BLOC1S5: variants seen among roughly 807,000 people sequenced by gnomAD.
BLOC1S5 encodes the protein biogenesis of lysosome-related organelles complex 1 subunit 5.
A neutral mutation model predicts 24.3 loss-of-function variants in BLOC1S5; 27 were observed. The ratio of observed to expected loss-of-function variants is 1.11; its 90% CI spans 0.82 to 1.53. The LOEUF (loss-of-function observed/expected upper bound fraction) is 1.53, where lower values mean the gene tolerates loss of function less well. Ranked by LOEUF, BLOC1S5 falls within the 40% of genes most tolerant of loss-of-function variation. The pLI is 0.00. For synonymous variants in BLOC1S5, 84 were observed against 74.5 expected, an observed-to-expected ratio of 1.13 and a Z score of -0.66; for missense variants, 239 against 229.4, an observed-to-expected ratio of 1.04 and a Z score of -0.27.
At chr6:8,046,330 C>T (rs1763899186) in intron 2 of BLOC1S5, among the ~76,000 whole-genome samples, 1 of 152,144 alleles carries the variant, frequency 6.6e-6, no homozygotes, top group Non-Finnish European at 1.5e-5. Flanking sequence ...TCTTCCCAAT[C>T]TTGGGTATGC....
At chr6:8,021,907 G>A (rs1762927302) in intron 4 of BLOC1S5, among the ~76,000 whole-genome samples, 1 of 151,920 alleles carries the variant, frequency 6.6e-6, no homozygotes, top group South Asian at 2.1e-4. Context: ...GAACTATAAT[G>A]GTGTTATCTC....
intron 3 of BLOC1S5, among the ~76,000 whole-genome samples, chr6:8,039,258 A>T (rs1215677925): frequency 6.6e-6 from 1 of 152,190 alleles, no homozygotes; most frequent in African/African-American, 2.4e-5. Flanking sequence ...GAATATAGAG[A>T]GTAGACTGGT....
At chr6:8,047,601 C>G (rs891791209) in intron 2 of BLOC1S5, among the ~76,000 whole-genome samples, 1 of 152,064 alleles carries the variant, frequency 6.6e-6, no homozygotes, top group Non-Finnish European at 1.5e-5. Context: ...ATAGATTTCC[C>G]CTTTCACTTT....
At position 8,013,908 on chromosome 6, in the gene BLOC1S5, T is replaced by C. The variant is rs1389844204; in HGVS notation, c.*1741A>G. On this transcript the variant is annotated 3_prime_UTR_variant, in exon 5 of 5. Coordinates refer to ENST00000397457, the MANE Select transcript of BLOC1S5 (RefSeq NM_201280.3). ...GGTACCAGCAAATGATTGATGAGCC[T>C]GTCAAGCCTACAGTAGCGGATAGAG... 1 of 152,214 alleles carries C rather than the reference T, an allele frequency of 6.6e-6. No individual in the cohort carries two copies. The highest frequency in any genetic ancestry group is 1.5e-5 in the Non-Finnish European group (1 of 68,030). 9.4% of individuals were successfully genotyped at this position (152,214 alleles called of 1,614,324 possible). A position where few individuals can be genotyped will look rare whatever the true frequency, so the allele number is the denominator to read the frequency against.
At chr6:8,041,655 C>CTTTCTTTCTTTCTTTTT (rs111955375) in intron 2 of BLOC1S5, among the ~76,000 whole-genome samples, 2 of 111,870 alleles carry the variant, frequency 1.8e-5, no homozygotes, top group Non-Finnish European at 3.6e-5. Flanking sequence ...TTCTTTCTTT[C>CTTTCTTTCTTTCTTTTT]TTTTTTTTTG....
At chr6:8,025,290 A>C (rs1333802185) in intron 4 of BLOC1S5, among the ~76,000 whole-genome samples, 1 of 152,206 alleles carries the variant, frequency 6.6e-6, no homozygotes, top group Non-Finnish European at 1.5e-5. Flanking sequence ...GGAATTAAAA[A>C]TATATCTGCT....
intron 4 of BLOC1S5, among the ~76,000 whole-genome samples, chr6:8,024,706 C>T (rs1008883003): frequency 8.5e-5 from 13 of 152,112 alleles, no homozygotes; most frequent in Non-Finnish European, 1.6e-4. Flanking sequence ...ACACGGTGAC[C>T]GCTCGCATCT....
chr6:8,013,700 G>A lies in BLOC1S5; in HGVS notation c.*1949C>T, dbSNP rs938778610. 1 of 152,166 alleles carries A rather than the reference G, an allele frequency of 6.6e-6. No homozygotes were observed. Among genetic ancestry groups the A allele is most frequent in the African/African-American group, 2.4e-5 (1 of 41,450 alleles). The allele number at this position is 152,166 out of a possible 1,614,324, so 9.4% of individuals were successfully genotyped here. A position where few individuals can be genotyped will look rare whatever the true frequency, so the allele number is the denominator to read the frequency against. The stretch of plus-strand genomic sequence containing the variant: ...TCTTAATTTCTTGGTTACAGCATTC[G>A]TTCAATGATGTGTTGGCAATTAATC... On this transcript the variant is annotated 3_prime_UTR_variant, in exon 5 of 5. Coordinates refer to ENST00000397457, the MANE Select transcript of BLOC1S5 (RefSeq NM_201280.3).
intron 2 of BLOC1S5, among the ~76,000 whole-genome samples, chr6:8,060,498 G>A (rs1313610589): frequency 6.6e-6 from 1 of 152,186 alleles, no homozygotes; most frequent in Non-Finnish European, 1.5e-5. Context: ...TACTGTGTGA[G>A]AAAGGTTATT....
chr6:8,062,285 A>G (rs971622780), intron 2 of BLOC1S5, among the ~76,000 whole-genome samples: 1 of 152,172 alleles, frequency 6.6e-6, no homozygotes, highest in Non-Finnish European at 1.5e-5. Context: ...CATTTTATAG[A>G]TTAAAAAAAC....
At chr6:8,062,956 A>C (rs1757317527) in intron 1 of BLOC1S5, among the ~76,000 whole-genome samples, 1 of 152,152 alleles carries the variant, frequency 6.6e-6, no homozygotes, top group Non-Finnish European at 1.5e-5. Context: ...AAACACCTTA[A>C]CCATACTCAT....
At chr6:8,028,094 G>C (rs915371384) in intron 3 of BLOC1S5, among the ~76,000 whole-genome samples, 2 of 151,928 alleles carry the variant, frequency 1.3e-5, no homozygotes, top group African/African-American at 4.8e-5. Context: ...TGAAATTGGA[G>C]GTTTGTCTAA....
chr6:8,052,213 C>T (rs532364573), intron 2 of BLOC1S5, among the ~76,000 whole-genome samples: 43 of 151,982 alleles, frequency 2.8e-4, no homozygotes, highest in African/African-American at 8.4e-4. Context: ...GTGATCCACC[C>T]GCCTCGGCCT....
chr6:8,034,809 G>T (rs1247406588), intron 3 of BLOC1S5, among the ~76,000 whole-genome samples: 3 of 152,088 alleles, frequency 2.0e-5, no homozygotes, highest in Non-Finnish European at 2.9e-5. Context: ...CAGAGGAAAA[G>T]AAGTCATTAT....
At chr6:8,027,317 T>G in intron 3 of BLOC1S5, 2 of 456,090 alleles carry the variant, frequency 4.4e-6, no homozygotes, top group South Asian at 3.1e-5. Flanking sequence ...ATTATTCATT[T>G]GACAAATGTT....
chr6:8,022,386 C>T (rs1293973219), intron 4 of BLOC1S5, among the ~76,000 whole-genome samples: 1 of 151,588 alleles, frequency 6.6e-6, no homozygotes. Flanking sequence ...AAAAACCCAA[C>T]TAAGGTGTAA....
chr6:8,035,428 A>G (rs74897771), intron 3 of BLOC1S5, among the ~76,000 whole-genome samples: 5,892 of 151,486 alleles, frequency 0.039, 361 homozygotes, highest in African/African-American at 0.13. Flanking sequence ...AAGGCACTTC[A>G]CCTATAAAGA....
intron 2 of BLOC1S5, among the ~76,000 whole-genome samples, chr6:8,057,797 C>T (rs1475782421): frequency 3.9e-5 from 6 of 152,150 alleles, no homozygotes; most frequent in Non-Finnish European, 5.9e-5. Context: ...CTATTAAATA[C>T]TTTTCTTTTT....
chr6:8,044,741 T>C (rs1763819993), intron 2 of BLOC1S5, among the ~76,000 whole-genome samples: 1 of 152,190 alleles, frequency 6.6e-6, no homozygotes, highest in Non-Finnish European at 1.5e-5. Flanking sequence ...GTGGCATTTT[T>C]TCCTTGCGCT....
Sources: allele counts gnomAD v4.1 joint callset (sites outside exome capture counted in the v4.1 genomes callset), GRCh38; gene constraint gnomAD v4.1.1; transcripts MANE v1.5; gene names NCBI Gene and HGNC (gene_info 2026-07-23, HGNC 2026-07-21).